DACH2: variants seen among roughly 807,000 people sequenced by gnomAD.
The protein encoded by DACH2 is dachshund family transcription factor 2, also known as dachshund homolog 2.
DACH2 carries 17 observed loss-of-function variants against 35.8 expected under a neutral mutation model. The observed-to-expected ratio is 0.48, with a 90% CI of 0.33 to 0.71. The LOEUF (loss-of-function observed/expected upper bound fraction) is 0.71. DACH2 is among the 30% of genes least tolerant of loss of function. The probability of loss-of-function intolerance (pLI) is 0.02; values close to 1 mark genes in which losing one functional copy is unlikely to be tolerated. For synonymous variants in DACH2, 195 were observed against 177.3 expected (o/e 1.10, Z -0.79); for missense variants, 469 against 472.7 (o/e 0.99, Z 0.07).
intron 2 of DACH2, among the ~76,000 whole-genome samples, chrX:86,458,349 G>T (rs1043810347): frequency 3.6e-5 from 4 of 111,907 alleles, no homozygotes; most frequent in South Asian, 3.7e-4. Context: ...TGTTAGTAAT[G>T]TGAAAAGGTA....
At chrX:86,335,863 C>T (rs1353385848) in intron 1 of DACH2, among the ~76,000 whole-genome samples, 2 of 111,699 alleles carry the variant, frequency 1.8e-5, no homozygotes, top group Non-Finnish European at 1.9e-5. Context: ...TTTGCCTATT[C>T]AGTATGATAT....
Position 86,322,626 on chromosome X carries a change from C to T in DACH2, c.489-54198C>T, listed in dbSNP as rs189276042. Among the ~76,000 whole-genome samples the T allele has an allele frequency of 7.1e-5, 8 of 112,077 alleles. No individual in the cohort carries two copies. In the Admixed American group the frequency reaches 7.5e-4, roughly 11 times the overall value. ...GGTAATTGCCCTTTGACCTCCACGA[C>T]TTGTATGAACTGCATGGCTCCTTGA... is the stretch of plus-strand genomic sequence containing the variant. On this transcript the variant is annotated intron_variant, in intron 1 of 11. Coordinates refer to ENST00000373125, the MANE Select transcript of DACH2 (RefSeq NM_053281.3).
intron 2 of DACH2, among the ~76,000 whole-genome samples, chrX:86,399,638 G>T (rs1602477850): frequency 9.0e-6 from 1 of 110,884 alleles, no homozygotes. Context: ...TTTCACTTAT[G>T]AAGCTTCGTT....
intron 6 of DACH2, among the ~76,000 whole-genome samples, chrX:86,737,136 G>T (rs772624672): frequency 1.2e-4 from 13 of 111,654 alleles, no homozygotes; most frequent in Non-Finnish European, 2.3e-4. Flanking sequence ...AAGTGAAAGG[G>T]TATGATAGAA....
intron 2 of DACH2, among the ~76,000 whole-genome samples, chrX:86,475,499 C>T (rs2037828203): frequency 8.9e-6 from 1 of 111,797 alleles, no homozygotes; most frequent in African/African-American, 3.2e-5. Context: ...TCACTGTTGG[C>T]ATATAGAAAT....
rs1426185277 is a variant in DACH2 at position 86,470,673 on chromosome X, C to T, written c.528-43606C>T. 2.7e-5 allele frequency among the ~76,000 whole-genome samples: 3 copies of T among 110,705 alleles called. No homozygotes were observed. The East Asian group carries it at 8.5e-4, about 31-fold the overall frequency. ...GAGGTGGGTGAGGGATGAGAAATTA[C>T]CTATTGGGTATAATGTATAGTATTT... On this transcript the variant is annotated intron_variant, in intron 2 of 11. Coordinates refer to ENST00000373125, the MANE Select transcript of DACH2 (RefSeq NM_053281.3).
chrX:86,827,034 G>C (rs916174531), intron 11 of DACH2, among the ~76,000 whole-genome samples: 15 of 112,155 alleles, frequency 1.3e-4, no homozygotes, highest in Admixed American at 3.8e-4. Flanking sequence ...AGTTCTCATT[G>C]CAGTCCCATT....
chrX:86,457,805 A>G (rs1489095346), intron 2 of DACH2, among the ~76,000 whole-genome samples: 1 of 112,123 alleles, frequency 8.9e-6, no homozygotes, highest in Non-Finnish European at 1.9e-5. Context: ...CAAGTAATCT[A>G]AATAATGAGT....
At chrX:86,369,148 A>G (rs1343581954) in intron 1 of DACH2, among the ~76,000 whole-genome samples, 3 of 111,136 alleles carry the variant, frequency 2.7e-5, no homozygotes, top group Non-Finnish European at 5.7e-5. Flanking sequence ...TATTATTTAA[A>G]TATGAGATTT....
chrX:86,667,475 G>T (rs1351097569), intron 4 of DACH2, among the ~76,000 whole-genome samples: 1 of 98,635 alleles, frequency 1.0e-5, no homozygotes, highest in Non-Finnish European at 2.0e-5. Context: ...ATGAAAGAAA[G>T]AAAGAAGGAA....
At chrX:86,212,305 A>G (rs767547487) in intron 1 of DACH2, among the ~76,000 whole-genome samples, 4 of 111,699 alleles carry the variant, frequency 3.6e-5, no homozygotes, top group Non-Finnish European at 7.6e-5. Flanking sequence ...CTGGATTTGT[A>G]TGCATGTAAA....
chrX:86,458,225 AT>A (rs1188632915), intron 2 of DACH2, among the ~76,000 whole-genome samples: 1 of 111,470 alleles, frequency 9.0e-6, no homozygotes, highest in African/African-American at 3.3e-5. Flanking sequence ...TTTGCATCAT[AT>A]TTTTCATGGT....
At chrX:86,207,121 G>T (rs905092686) in intron 1 of DACH2, among the ~76,000 whole-genome samples, 1 of 111,147 alleles carries the variant, frequency 9.0e-6, no homozygotes, top group East Asian at 2.8e-4. Context: ...TTTCAATCAT[G>T]AAGAATCCCA....
intron 7 of DACH2, among the ~76,000 whole-genome samples, chrX:86,809,082 C>T (rs1332926688): frequency 9.0e-6 from 1 of 111,386 alleles, no homozygotes; most frequent in Non-Finnish European, 1.9e-5. Flanking sequence ...GTTTAACAAA[C>T]AGGCTTAATA....
chrX:86,259,841 G>A (rs1161106941), intron 1 of DACH2, among the ~76,000 whole-genome samples: 3 of 111,391 alleles, frequency 2.7e-5, no homozygotes, highest in East Asian at 2.8e-4. Flanking sequence ...GACAGGTGCC[G>A]TCATATTTTA....
At chrX:86,530,760 G>T (rs1429273389) in intron 3 of DACH2, among the ~76,000 whole-genome samples, 1 of 112,122 alleles carries the variant, frequency 8.9e-6, no homozygotes, top group Non-Finnish European at 1.9e-5. Context: ...ACTGGATAAG[G>T]GGAAGAGGCT....
At chrX:86,287,470 A>G (rs2034176293) in intron 1 of DACH2, among the ~76,000 whole-genome samples, 1 of 111,282 alleles carries the variant, frequency 9.0e-6, no homozygotes, top group Non-Finnish European at 1.9e-5. Flanking sequence ...CTTTGAATAA[A>G]CTTTCTACCA....
chrX:86,610,490 G>T (rs2148368438), intron 3 of DACH2, among the ~76,000 whole-genome samples: 1 of 104,198 alleles, frequency 9.6e-6, no homozygotes, highest in South Asian at 4.5e-4. Context: ...AGGCTGGAGT[G>T]CAGTGGCTCA....
At chrX:86,522,461 C>T (rs1044784244) in intron 3 of DACH2, among the ~76,000 whole-genome samples, 8 of 111,243 alleles carry the variant, frequency 7.2e-5, no homozygotes, top group Admixed American at 1.9e-4. Context: ...ATGTAACTAT[C>T]GACATATATA....
Sources: allele counts gnomAD v4.1 joint callset (sites outside exome capture counted in the v4.1 genomes callset), GRCh38; gene constraint gnomAD v4.1.1; transcripts MANE v1.5; gene names NCBI Gene and HGNC (gene_info 2026-07-23, HGNC 2026-07-21).